FER1L6: variants seen among roughly 807,000 people sequenced by gnomAD.
The protein encoded by FER1L6 is fer-1 like family member 6.
FER1L6 carries 177 observed loss-of-function variants against 219.2 expected under a neutral mutation model. The observed-to-expected ratio is 0.81, with a 90% CI of 0.71 to 0.91. The LOEUF (loss-of-function observed/expected upper bound fraction) is 0.91, where lower values mean the gene tolerates loss of function less well. Among genes scored for constraint, FER1L6 ranks in the 40% least tolerant of loss-of-function variants. The probability of loss-of-function intolerance (pLI) is 0.00; values close to 1 mark genes in which losing one functional copy is unlikely to be tolerated. For missense variants in FER1L6, 2,153 were observed against 2,259.9 expected (o/e 0.95, Z 0.96); for synonymous variants, 768 against 824.3 (o/e 0.93, Z 1.17).
intron 1 of FER1L6, among the ~76,000 whole-genome samples, chr8:123,929,922 C>T (rs1414807958): frequency 6.6e-6 from 1 of 151,648 alleles, no homozygotes; most frequent in African/African-American, 2.4e-5. Context: ...TCGTTCCTAG[C>T]CTCAGGTCTG....
At chr8:123,856,298 A>ATATATGTATGTGTG (rs1816643668) in intron 1 of FER1L6, among the ~76,000 whole-genome samples, 4 of 72,628 alleles carry the variant, frequency 5.5e-5, no homozygotes, top group South Asian at 1.2e-3. Flanking sequence ...GTGTGTATAT[A>ATATATGTATGTGTG]TATATATATA....
Position 123,889,747 on chromosome 8 carries a change from A to G in FER1L6, c.-8+37562A>G, listed in dbSNP as rs150987089. 8.6e-3 allele frequency among the ~76,000 whole-genome samples: 1,308 copies of G among 152,258 alleles called. 22 individuals carry two copies. The highest frequency in any genetic ancestry group is 0.03 in the African/African-American group (1,231 of 41,572). ...GACTTGAGAAGGTTATTTATGACAG[A>G]AGAAAGGAACCAGGAAGCAGAGGAG... On this transcript the variant is annotated intron_variant, in intron 1 of 40. Coordinates refer to ENST00000522917, the MANE Select transcript of FER1L6 (RefSeq NM_001039112.2).
intron 1 of FER1L6, among the ~76,000 whole-genome samples, chr8:123,918,476 C>T (rs1813258130): frequency 6.6e-6 from 1 of 152,216 alleles, no homozygotes; most frequent in African/African-American, 2.4e-5. Flanking sequence ...TATGTGCAAT[C>T]GCATCCTCAG....
chr8:123,985,418 G>A (rs1816527620), intron 11 of FER1L6: 1 of 152,278 alleles, frequency 6.6e-6, no homozygotes, highest in Non-Finnish European at 1.5e-5. Flanking sequence ...ATCTGGGCTT[G>A]CTTATTTGGG....
intron 16 of FER1L6, among the ~76,000 whole-genome samples, chr8:124,020,382 A>T (rs1223607549): frequency 1.3e-5 from 2 of 152,200 alleles, no homozygotes; most frequent in East Asian, 1.9e-4. Context: ...GCTTCTGAGG[A>T]CCAGTGTGCC....
chr8:123,879,711 G>A (rs1440240454), intron 1 of FER1L6, among the ~76,000 whole-genome samples: 2 of 151,974 alleles, frequency 1.3e-5, no homozygotes, highest in East Asian at 3.9e-4. Context: ...AAACTCACCT[G>A]TGCATGCGCA....
rs192359237 is a variant in FER1L6, at chr8:124,059,518, C to T, written c.2875-662C>T. On this transcript the variant is annotated intron_variant, in intron 22 of 40. Transcript: ENST00000522917. Reference sequence around the variant, plus strand: ...TGAGGGCAGTGTGGGATGGCCTACACAGTGAAAAAGACCCTTTTCTCAGTA... The same window carrying T: ...TGAGGGCAGTGTGGGATGGCCTACATAGTGAAAAAGACCCTTTTCTCAGTA... 3.3e-3 allele frequency among the ~76,000 whole-genome samples: 498 copies of T among 152,252 alleles called. 2 individuals carry two copies. Among genetic ancestry groups the T allele is most frequent in the African/African-American group, 0.011 (460 of 41,558 alleles).
At chr8:123,998,379 T>TCTCC in intron 12 of FER1L6, among the ~76,000 whole-genome samples, 1 of 105,938 alleles carries the variant, frequency 9.4e-6, no homozygotes, top group Non-Finnish European at 1.8e-5. Context: ...GGAAACTCTC[T>TCTCC]CTCTCTCTCT....
chr8:124,075,193 C>T (rs1344599246), intron 31 of FER1L6, among the ~76,000 whole-genome samples: 3 of 152,172 alleles, frequency 2.0e-5, no homozygotes, highest in Admixed American at 6.5e-5. Context: ...TAACTTTTGA[C>T]GCTGGTCAAA....
intron 1 of FER1L6, among the ~76,000 whole-genome samples, chr8:123,926,667 A>G (rs4637809): frequency 0.056 from 8,573 of 152,268 alleles, 792 homozygotes; most frequent in African/African-American, 0.19. Flanking sequence ...AATAGCCACA[A>G]CTCAGGCCCA....
At chr8:124,069,741 T>C (rs903173075) in intron 29 of FER1L6, among the ~76,000 whole-genome samples, 1 of 152,212 alleles carries the variant, frequency 6.6e-6, no homozygotes, top group South Asian at 2.1e-4. Flanking sequence ...GCATTTGAGC[T>C]CCCCTTGGCC....
chr8:123,856,349 T>TATATATATATATATATATTA (rs71289618), intron 1 of FER1L6, among the ~76,000 whole-genome samples: 1 of 134,516 alleles, frequency 7.4e-6, no homozygotes, highest in African/African-American at 2.8e-5. Context: ...TATATATATA[T>TATATATATATATATATATTA]TAGGGTCCAG....
intron 38 of FER1L6, 57 bp from the exon 39 acceptor site, chr8:124,103,089 G>T: frequency 2.7e-6 from 4 of 1,471,612 alleles, no homozygotes; most frequent in Non-Finnish European, 3.8e-6. Context: ...TGATTGAGAA[G>T]CTCTTCTGTT....
At chr8:124,102,915 G>C (rs564178750) in intron 38 of FER1L6, among the ~76,000 whole-genome samples, 25 of 152,328 alleles carry the variant, frequency 1.6e-4, no homozygotes, top group Non-Finnish European at 2.4e-4. Context: ...GTTAAAACAA[G>C]CTCTTCCTTT....
chr8:123,980,568 A>AG lies in FER1L6; in HGVS notation c.1169dup (p.Val391CysfsTer24), dbSNP rs757918224. Reference sequence around the variant, plus strand: ...AGGAAATGAACGAAGGCTTTGGGGAAGGTGTGTCATTCAGGGGCAGAATCT... The same window carrying AG: ...AGGAAATGAACGAAGGCTTTGGGGAAGGGTGTGTCATTCAGGGGCAGAATCT... On this transcript the variant is annotated frameshift_variant, in exon 11 of 41. Transcript: ENST00000522917. LOFTEE classifies it high-confidence loss of function. 1.7e-5 allele frequency: 27 copies of AG among 1,614,040 alleles called. No homozygotes were observed. The highest frequency in any genetic ancestry group is 2.0e-5 in the Non-Finnish European group (24 of 1,180,028).
At chr8:124,047,130 G>A (rs1819773265) in intron 21 of FER1L6, among the ~76,000 whole-genome samples, 2 of 152,150 alleles carry the variant, frequency 1.3e-5, no homozygotes, top group Admixed American at 1.3e-4. Context: ...AACAATAATA[G>A]CAATAGAGCG....
intron 39 of FER1L6, among the ~76,000 whole-genome samples, chr8:124,105,104 C>G (rs1822712347): frequency 6.6e-6 from 1 of 152,336 alleles, no homozygotes. Context: ...TTTCTACTCA[C>G]TATGGTGGCA....
intron 1 of FER1L6, among the ~76,000 whole-genome samples, chr8:123,916,893 G>T (rs1813206477): frequency 6.6e-6 from 1 of 152,096 alleles, no homozygotes; most frequent in Non-Finnish European, 1.5e-5. Flanking sequence ...ACTTTGATAG[G>T]TTGATACCCA....
intron 24 of FER1L6, 22 bp downstream of exon 24, chr8:124,060,731 G>T: frequency 1.2e-6 from 2 of 1,605,728 alleles, no homozygotes; most frequent in South Asian, 2.2e-5. Context: ...TCACTCTCCC[G>T]ACCTGGCTCA....
Sources: gnomAD v4.1 joint callset for allele counts (sites outside exome capture counted in the v4.1 genomes callset) on GRCh38, gnomAD v4.1.1 for gene constraint, MANE v1.5 for transcripts, NCBI Gene and HGNC (gene_info 2026-07-23, HGNC 2026-07-21) for gene names.